The following OGA variants were observed in gnomAD, a reference collection of about 807,000 sequenced individuals.
The protein encoded by OGA is protein O-GlcNAcase.
OGA carries 21 observed loss-of-function variants against 102.0 expected under a neutral mutation model. The observed-to-expected ratio is 0.21, with a 90% CI of 0.15 to 0.30. The LOEUF is 0.30. OGA is among the 10% of genes least tolerant of loss of function. The pLI, the probability that OGA is intolerant of heterozygous loss-of-function variation, is 1.00. For synonymous variants in OGA, 408 were observed against 378.2 expected, an observed-to-expected ratio of 1.08 and a Z score of -0.91; for missense variants, 765 against 1,107.8, an observed-to-expected ratio of 0.69 and a Z score of 4.39.
rs1374835245 is a variant in OGA at position 101,818,219 on chromosome 10, G to A, written c.-197C>T. The A allele has an allele frequency of 5.2e-6, 7 of 1,343,966 alleles. No homozygotes were observed. Among genetic ancestry groups the A allele is most frequent in the African/African-American group, 4.6e-5 (3 of 65,126 alleles). The allele number at this position is 1,343,966 out of a possible 1,614,324, so 83.3% of individuals were successfully genotyped here. A position where few individuals can be genotyped will look rare whatever the true frequency, so the allele number is the denominator to read the frequency against. Reference sequence around the variant, plus strand: ...ATGAGAAGGGCGGCGGCACCGGCGCGAGCCCTTTGTCAGCCGCAGCCTCGG... The same window carrying A: ...ATGAGAAGGGCGGCGGCACCGGCGCAAGCCCTTTGTCAGCCGCAGCCTCGG... On this transcript the variant is annotated 5_prime_UTR_variant, in exon 1 of 16. Coordinates refer to ENST00000361464, the MANE Select transcript of OGA (RefSeq NM_012215.5).
rs1023265887 is a variant in OGA at position 101,800,320 on chromosome 10, G to A, written c.1117C>T (p.Leu373Phe). 6.2e-6 allele frequency: 10 copies of A among 1,613,160 alleles called. No homozygotes were observed. The highest frequency in any genetic ancestry group is 8.5e-6 in the Non-Finnish European group (10 of 1,179,230). Residue 373 changes from leucine to phenylalanine, a missense_variant, in exon 8 of 16, where the codon CTC (leucine) becomes TTC (phenylalanine). Transcript: ENST00000361464. The stretch of plus-strand genomic sequence containing the variant: ...TTTAGAGCCATCTGTGGACTATAGA[G>A]TACATCAGTTTCAATATCTTCATCA... ...GSDEDIETDVLYSPQMALKLA... is the reference protein window; with the variant it reads ...GSDEDIETDVFYSPQMALKLA...
chr10:101,816,415 C>CTAT (rs1280941728), intron 1 of OGA, among the ~76,000 whole-genome samples: 1 of 152,214 alleles, frequency 6.6e-6, no homozygotes, highest in Non-Finnish European at 1.5e-5. Flanking sequence ...CCTTTTAATG[C>CTAT]TATTCTAAAC....
At chr10:101,798,683 G>A (rs2065350542) in intron 9 of OGA, among the ~76,000 whole-genome samples, 159 bp downstream of exon 9, 1 of 151,936 alleles carries the variant, frequency 6.6e-6, no homozygotes, top group Non-Finnish European at 1.5e-5. Flanking sequence ...CAAAGTTCTG[G>A]GACTACAGGC....
At position 101,817,897 on chromosome 10, in the gene OGA, G is replaced by A. The variant is rs2065662790; in HGVS notation, c.126C>T (p.Pro42=). 1.3e-6 allele frequency: 2 copies of A among 1,563,026 alleles called. No homozygotes were observed. The highest frequency in any genetic ancestry group is 1.7e-6 in the Non-Finnish European group (2 of 1,157,042). ...PAAPAPGEDN[P]AGAGGAAVAG... ...CCACCGCCGCTCCCCCAGCCCCGGC[G>A]GGGTTGTCTTCTCCGGGTGCCGGAG... is the stretch of plus-strand genomic sequence containing the variant. Residue 42 remains proline (P), a synonymous_variant, in exon 1 of 16, where the codon CCC becomes CCT. Transcript: ENST00000361464.
chr10:101,798,341 AG>A (rs937484445), intron 9 of OGA, among the ~76,000 whole-genome samples, 187 bp from the exon 10 acceptor site: 17 of 151,952 alleles, frequency 1.1e-4, no homozygotes, highest in African/African-American at 4.1e-4. Flanking sequence ...ATTCTTAACT[AG>A]AAGGGCAAAC....
intron 10 of OGA, chr10:101,797,165 T>C (rs1054628505): frequency 2.0e-5 from 3 of 152,098 alleles, no homozygotes; most frequent in South Asian, 2.1e-4. Context: ...AAACCCATCA[T>C]AGTATTTGTG....
intron 1 of OGA, among the ~76,000 whole-genome samples, chr10:101,813,929 A>G (rs1477290766): frequency 6.6e-6 from 1 of 151,966 alleles, no homozygotes; most frequent in Non-Finnish European, 1.5e-5. Context: ...TTTAATTCCA[A>G]TTTTTTAAGA....
At chr10:101,786,914 C>T (rs2065197038) in intron 15 of OGA, among the ~76,000 whole-genome samples, 1 of 152,174 alleles carries the variant, frequency 6.6e-6, no homozygotes, top group South Asian at 2.1e-4. Context: ...ATTACAGGCG[C>T]CTGCCACCAC....
intron 10 of OGA, chr10:101,795,931 T>G (rs571432115): frequency 5.7e-5 from 56 of 980,890 alleles, no homozygotes; most frequent in Middle Eastern, 5.2e-4. Context: ...TATATAATTT[T>G]GGAAAGCTAC....
chr10:101,799,651 G>C (rs1355328331), intron 8 of OGA, among the ~76,000 whole-genome samples, 196 bp from the exon 9 acceptor site: 1 of 152,052 alleles, frequency 6.6e-6, no homozygotes, highest in African/African-American at 2.4e-5. Flanking sequence ...AAGGGCGTTG[G>C]GAGGTAAACA....
chr10:101,813,342 G>C (rs557330247), intron 2 of OGA, among the ~76,000 whole-genome samples: 1 of 152,060 alleles, frequency 6.6e-6, no homozygotes, highest in Non-Finnish European at 1.5e-5. Flanking sequence ...AACAGCTCTG[G>C]GTAAGGTGAA....
intron 3 of OGA, chr10:101,812,725 G>T (rs1474216099): frequency 4.6e-6 from 2 of 437,058 alleles, no homozygotes; most frequent in African/African-American, 4.0e-5. Flanking sequence ...GCCTAGCCCA[G>T]CTCCAGCACT....
intron 4 of OGA, among the ~76,000 whole-genome samples, 159 bp downstream of exon 4, chr10:101,810,025 G>A (rs998671402): frequency 6.6e-6 from 1 of 151,922 alleles, no homozygotes; most frequent in East Asian, 1.9e-4. Flanking sequence ...CAGTCTGGGC[G>A]ACAGAGCAAG....
Position 101,817,700 on chromosome 10 carries a change from G to T in OGA, c.199+124C>A. ...CATCTCGTCTCTCCCCTCGCTTTAG[G>T]AGGGCCACATTTCAGACCCAGAGGC... is the stretch of plus-strand genomic sequence containing the variant. On this transcript the variant is annotated intron_variant, in intron 1 of 15. Coordinates refer to ENST00000361464, the MANE Select transcript of OGA (RefSeq NM_012215.5). 3 of 1,099,764 alleles carry T rather than the reference G, an allele frequency of 2.7e-6. No homozygotes were observed. In the South Asian group the frequency reaches 4.7e-5, roughly 17 times the overall value. The allele number at this position is 1,099,764 out of a possible 1,614,324, so 68.1% of individuals were successfully genotyped here. A position where few individuals can be genotyped will look rare whatever the true frequency, so the allele number is the denominator to read the frequency against.
intron 14 of OGA, among the ~76,000 whole-genome samples, chr10:101,788,728 C>T (rs1043657190): frequency 6.7e-6 from 1 of 150,154 alleles, no homozygotes. Flanking sequence ...GAGGGAAACT[C>T]CGTCTCAAAA....
chr10:101,811,344 G>A (rs1303603042), intron 3 of OGA, among the ~76,000 whole-genome samples: 1 of 133,922 alleles, frequency 7.5e-6, no homozygotes, highest in Non-Finnish European at 1.5e-5. Flanking sequence ...AGCCAAGATC[G>A]CACCACTGCA....
intron 1 of OGA, among the ~76,000 whole-genome samples, chr10:101,816,181 C>G (rs1314823183): frequency 1.3e-5 from 2 of 151,924 alleles, no homozygotes; most frequent in Non-Finnish European, 2.9e-5. Flanking sequence ...GAGAATTGCT[C>G]GAACCCGGGA....
At chr10:101,806,421 G>T (rs992788357) in intron 5 of OGA, among the ~76,000 whole-genome samples, 1 of 152,168 alleles carries the variant, frequency 6.6e-6, no homozygotes, top group Non-Finnish European at 1.5e-5. Flanking sequence ...GCCCAGGTTG[G>T]TCGCAAACTC....
intron 7 of OGA, among the ~76,000 whole-genome samples, chr10:101,802,212 CAA>C (rs987961116): frequency 4.4e-4 from 67 of 152,284 alleles, no homozygotes; most frequent in Admixed American, 3.9e-3. Context: ...TAACGCCCAG[CAA>C]ACTCTCCTCA....
Sources: allele counts gnomAD v4.1 joint callset (sites outside exome capture counted in the v4.1 genomes callset), GRCh38; gene constraint gnomAD v4.1.1; transcripts MANE v1.5; gene names NCBI Gene and HGNC (gene_info 2026-07-23, HGNC 2026-07-21).